The following MAP4 variants were observed in gnomAD, a reference collection of about 807,000 sequenced individuals.
MAP4 encodes microtubule-associated protein 4.
MAP4 carries 76 observed loss-of-function variants against 170.2 expected under a neutral mutation model. That is an observed-to-expected ratio of 0.45 (90% CI 0.37 to 0.54). The LOEUF is 0.54. MAP4 is among the 20% of genes least tolerant of loss of function. The probability of loss-of-function intolerance (pLI) is 0.00; values close to 1 mark genes in which losing one functional copy is unlikely to be tolerated. For missense variants in MAP4, 2,506 were observed against 2,748.0 expected (o/e 0.91, Z 1.97); for synonymous variants, 909 against 994.5 (o/e 0.91, Z 1.62).
At chr3:47,939,580 GT>G (rs935708505) in intron 3 of MAP4, among the ~76,000 whole-genome samples, 11 of 150,674 alleles carry the variant, frequency 7.3e-5, no homozygotes, top group South Asian at 6.3e-4. Context: ...GTGACATAAT[GT>G]TTTTTTTTAA....
At chr3:47,926,863 G>C (rs2100046292) in intron 4 of MAP4, among the ~76,000 whole-genome samples, 1 of 151,990 alleles carries the variant, frequency 6.6e-6, no homozygotes, top group Non-Finnish European at 1.5e-5. Context: ...TGGGTAAACT[G>C]TATGGTACTG....
intron 17 of MAP4, among the ~76,000 whole-genome samples, chr3:47,863,937 T>TGTGTGGGG (rs374208589): frequency 5.8e-5 from 8 of 138,474 alleles, no homozygotes; most frequent in South Asian, 2.4e-4. Context: ...TGTGTGTGTG[T>TGTGTGGGG]GGGGAGTGGT....
chr3:47,955,204 T>C (rs2100066954), intron 3 of MAP4, among the ~76,000 whole-genome samples: 1 of 152,132 alleles, frequency 6.6e-6, no homozygotes, highest in South Asian at 2.1e-4. Context: ...AGATATAGCA[T>C]CTTTACTGGA....
At chr3:47,901,047 A>G (rs1254353604) in intron 10 of MAP4, among the ~76,000 whole-genome samples, 1 of 152,078 alleles carries the variant, frequency 6.6e-6, no homozygotes, top group Non-Finnish European at 1.5e-5. Flanking sequence ...GCACTTCACT[A>G]TGCATGCCTT....
At chr3:48,043,257 T>C (rs1579494370) in intron 1 of MAP4, among the ~76,000 whole-genome samples, 1 of 152,062 alleles carries the variant, frequency 6.6e-6, no homozygotes, top group Non-Finnish European at 1.5e-5. Flanking sequence ...CGTGTCGCCA[T>C]GCCCGGCTAA....
At chr3:47,907,024 GGGGT>G (rs2100033489) in intron 9 of MAP4, among the ~76,000 whole-genome samples, 1 of 152,024 alleles carries the variant, frequency 6.6e-6, no homozygotes. Flanking sequence ...TAGTAGAGAT[GGGGT>G]TTCTCCACGT....
At chr3:48,041,751 T>C (rs2100121736) in intron 1 of MAP4, among the ~76,000 whole-genome samples, 1 of 152,134 alleles carries the variant, frequency 6.6e-6, no homozygotes, top group South Asian at 2.1e-4. Context: ...TTTGTAGAAA[T>C]TGACAATCAA....
intron 4 of MAP4, 95 bp downstream of exon 4, chr3:47,928,133 T>G: frequency 6.7e-7 from 1 of 1,483,118 alleles, no homozygotes; most frequent in Non-Finnish European, 9.3e-7. Flanking sequence ...TGATCTATAC[T>G]TAAGCTAAAG....
At chr3:48,031,700 G>A (rs2100116197) in intron 1 of MAP4, among the ~76,000 whole-genome samples, 2 of 152,158 alleles carry the variant, frequency 1.3e-5, no homozygotes, top group African/African-American at 4.8e-5. Flanking sequence ...AACCCAGCCT[G>A]GGCAACAGAG....
At chr3:47,995,242 TTTC>T (rs1307925968) in intron 2 of MAP4, among the ~76,000 whole-genome samples, 3 of 138,942 alleles carry the variant, frequency 2.2e-5, no homozygotes, top group African/African-American at 5.4e-5. Context: ...AGCAACTTTT[TTTC>T]TTTTCTTTTT....
chr3:47,853,393 A>T, intron 19 of MAP4, 41 bp from the exon 20 acceptor site: 8 of 853,592 alleles, frequency 9.4e-6, no homozygotes, highest in Non-Finnish European at 1.4e-5. Context: ...GGGTCAGTCG[A>T]GGGGGGGAGT....
intron 1 of MAP4, among the ~76,000 whole-genome samples, chr3:48,085,654 G>A (rs564519572): frequency 6.6e-6 from 1 of 152,322 alleles, no homozygotes; most frequent in East Asian, 1.9e-4. Flanking sequence ...AGGCGTGATG[G>A]CTCATGCCTG....
intron 11 of MAP4, among the ~76,000 whole-genome samples, chr3:47,876,728 A>G (rs2095508171): frequency 6.6e-6 from 1 of 152,298 alleles, no homozygotes; most frequent in Admixed American, 6.5e-5. Context: ...ATCTGAAGCT[A>G]TATGATCCAC....
rs368461617 is a variant in MAP4 at position 47,852,885 on chromosome 3, G to A, written c.*49C>T. On this transcript the variant is annotated 3_prime_UTR_variant, in exon 21 of 21. Transcript: ENST00000683076. ...GGGGGCGGGAGACAATGTCGGCCCCGTGGTCGGTGCGGGCCCTGGCATTTG... is the reference window on the plus strand; with the variant it reads ...GGGGGCGGGAGACAATGTCGGCCCCATGGTCGGTGCGGGCCCTGGCATTTG... 101 of 1,595,082 alleles carry A rather than the reference G, an allele frequency of 6.3e-5. No homozygotes were observed. The highest frequency in any genetic ancestry group is 1.7e-4 in the South Asian group (15 of 89,186).
intron 1 of MAP4, among the ~76,000 whole-genome samples, chr3:48,030,524 C>T (rs749563290): frequency 6.6e-5 from 10 of 150,842 alleles, no homozygotes; most frequent in Non-Finnish European, 1.3e-4. Flanking sequence ...GTTGGCCGGA[C>T]GAGGTGGCTC....
At chr3:48,060,089 C>T (rs918054103) in intron 1 of MAP4, among the ~76,000 whole-genome samples, 1 of 152,110 alleles carries the variant, frequency 6.6e-6, no homozygotes, top group Non-Finnish European at 1.5e-5. Context: ...TGTTAGTCTG[C>T]AGTAGAACTC....
intron 3 of MAP4, chr3:47,975,326 T>A: frequency 2.6e-6 from 4 of 1,535,748 alleles, no homozygotes; most frequent in Non-Finnish European, 3.5e-6. Flanking sequence ...AGAACTACCC[T>A]CAGTTTCTTC....
chr3:47,971,445 A>C (rs2100078714), intron 3 of MAP4, among the ~76,000 whole-genome samples: 1 of 152,236 alleles, frequency 6.6e-6, no homozygotes, highest in South Asian at 2.1e-4. Context: ...AGCACACAGA[A>C]TACCTTCTGT....
chr3:48,015,998 T>C (rs1365336325), intron 1 of MAP4, among the ~76,000 whole-genome samples: 1 of 152,214 alleles, frequency 6.6e-6, no homozygotes, highest in Non-Finnish European at 1.5e-5. Flanking sequence ...GGACAACAGC[T>C]GTGCTATTAC....
Sources: gnomAD v4.1 joint callset for allele counts (sites outside exome capture counted in the v4.1 genomes callset) on GRCh38, gnomAD v4.1.1 for gene constraint, MANE v1.5 for transcripts, NCBI Gene and HGNC (gene_info 2026-07-23, HGNC 2026-07-21) for gene names.